GUCY1B1: variants seen among roughly 807,000 people sequenced by gnomAD.
GUCY1B1 encodes guanylate cyclase 1 soluble subunit beta 1.
In GUCY1B1, 43 loss-of-function variants were observed where a neutral mutation model predicts 71.0. The observed-to-expected ratio is 0.61, with a 90% CI of 0.47 to 0.78. The LOEUF is 0.78. Among genes scored for constraint, GUCY1B1 ranks in the 30% least tolerant of loss-of-function variants. The probability of loss-of-function intolerance (pLI) is 0.00; values close to 1 mark genes in which losing one functional copy is unlikely to be tolerated. For synonymous variants in GUCY1B1, 266 were observed against 259.7 expected, an observed-to-expected ratio of 1.02 and a Z score of -0.23; for missense variants, 535 against 754.1, an observed-to-expected ratio of 0.71 and a Z score of 3.40.
chr4:155,795,041 A>G (rs1161553810), intron 6 of GUCY1B1, among the ~76,000 whole-genome samples: 2 of 151,966 alleles, frequency 1.3e-5, no homozygotes, highest in Non-Finnish European at 2.9e-5. Context: ...TAAAAGATAA[A>G]TTTTCATTTT....
intron 1 of GUCY1B1, 74 bp from the exon 2 acceptor site, chr4:155,759,713 C>A: frequency 9.5e-7 from 1 of 1,049,582 alleles, no homozygotes; most frequent in Non-Finnish European, 1.5e-6. Flanking sequence ...GGAGCAGAGG[C>A]AGCAGCCTCG....
At position 155,807,532 on chromosome 4, in the gene GUCY1B1, T is replaced by C. The variant is rs551541966; in HGVS notation, c.*1123T>C. ...TATTTCATATCAGCACATCGATATA[T>C]GTATAAATGTTCCATGTTAATGTGT... is the stretch of plus-strand genomic sequence containing the variant. On this transcript the variant is annotated 3_prime_UTR_variant, in exon 14 of 14. Coordinates refer to ENST00000264424, the MANE Select transcript of GUCY1B1 (RefSeq NM_000857.5). 8.5e-5 allele frequency: 13 copies of C among 152,288 alleles called. No individual in the cohort carries two copies. Among genetic ancestry groups the C allele is most frequent in the Admixed American group, 2.6e-4 (4 of 15,268 alleles). The allele number at this position is 152,288 out of a possible 1,614,324, so 9.4% of individuals were successfully genotyped here. A position where few individuals can be genotyped will look rare whatever the true frequency, so the allele number is the denominator to read the frequency against.
rs1410253943 is a variant in GUCY1B1 at position 155,806,858 on chromosome 4, A to ATATCATG, written c.*451_*457dup. ...TAATGACTATAATGTAATAAAGTTTATATCATGTTGGTGTATATCATTATA... is the reference window on the plus strand; with the variant it reads ...TAATGACTATAATGTAATAAAGTTTATATCATGTATCATGTTGGTGTATATCATTATA... On this transcript the variant is annotated 3_prime_UTR_variant, in exon 14 of 14. Transcript: ENST00000264424. 1 of 153,908 alleles carries ATATCATG rather than the reference A, an allele frequency of 6.5e-6. No individual in the cohort carries two copies. The highest frequency in any genetic ancestry group is 2.4e-5 in the African/African-American group (1 of 41,514). 9.5% of individuals were successfully genotyped at this position (153,908 alleles called of 1,614,324 possible). A position where few individuals can be genotyped will look rare whatever the true frequency, so the allele number is the denominator to read the frequency against.
chr4:155,767,988 C>G (rs762742841), intron 2 of GUCY1B1, among the ~76,000 whole-genome samples: 1 of 152,086 alleles, frequency 6.6e-6, no homozygotes, highest in African/African-American at 2.4e-5. Flanking sequence ...ACGACACCTA[C>G]GTACTGTTTT....
chr4:155,782,291 G>A (rs1380264072), intron 4 of GUCY1B1, among the ~76,000 whole-genome samples: 1 of 151,942 alleles, frequency 6.6e-6, no homozygotes. Flanking sequence ...GGGTTTCACC[G>A]TGTTAGCCAG....
At chr4:155,796,634 CTTG>C in intron 8 of GUCY1B1, 124 bp downstream of exon 8, 1 of 640,798 alleles carries the variant, frequency 1.6e-6, no homozygotes, top group Middle Eastern at 4.2e-4. Context: ...TTTTACAGCC[CTTG>C]TTGTGTATTA....
chr4:155,763,298 G>A (rs755975246), intron 2 of GUCY1B1, among the ~76,000 whole-genome samples: 1 of 152,056 alleles, frequency 6.6e-6, no homozygotes, highest in Non-Finnish European at 1.5e-5. Flanking sequence ...CTCTTGACTC[G>A]GCCTCCCAAA....
chr4:155,806,134 C>T (rs777355933), intron 13 of GUCY1B1, among the ~76,000 whole-genome samples: 1 of 152,076 alleles, frequency 6.6e-6, no homozygotes, highest in Admixed American at 6.6e-5. Flanking sequence ...CCTGGTTTAA[C>T]ATTAAATCAT....
intron 11 of GUCY1B1, among the ~76,000 whole-genome samples, chr4:155,804,350 C>A (rs576971503): frequency 4.4e-4 from 67 of 151,868 alleles, no homozygotes; most frequent in African/African-American, 1.6e-3. Flanking sequence ...CATCACACAC[C>A]GGGACCTGTT....
At position 155,775,036 on chromosome 4, in the gene GUCY1B1, A is replaced by T. The variant is rs1380660690; in HGVS notation, c.146A>T (p.Tyr49Phe). 2.5e-6 allele frequency: 4 copies of T among 1,604,884 alleles called. No individual in the cohort carries two copies. The highest frequency in any genetic ancestry group is 3.4e-6 in the Non-Finnish European group (4 of 1,172,042). ...VRIIYDDSKT[Y>F]DLVAAASKVL... ...ATAATATATGATGACTCCAAAACTT[A>T]TGATTTGGTTGCTGCTGCAAGCAAA... Residue 49 changes from tyrosine to phenylalanine, a missense_variant, in exon 3 of 14, where the codon TAT becomes TTT. By Grantham distance (22) the Tyr-to-Phe change is conservative (BLOSUM62 3). Coordinates refer to ENST00000264424, the MANE Select transcript of GUCY1B1 (RefSeq NM_000857.5).
chr4:155,770,433 A>T (rs1242259434), intron 2 of GUCY1B1, among the ~76,000 whole-genome samples: 1 of 152,188 alleles, frequency 6.6e-6, no homozygotes, highest in Non-Finnish European at 1.5e-5. Context: ...AAATTTACCT[A>T]AAAGTTAGAA....
intron 5 of GUCY1B1, among the ~76,000 whole-genome samples, chr4:155,791,116 A>C (rs1739121092): frequency 6.6e-6 from 1 of 151,198 alleles, no homozygotes; most frequent in Admixed American, 6.6e-5. Context: ...TCACATTTCC[A>C]ATCTTTTTTT....
In GUCY1B1 at chr4:155,777,658, T is replaced by G; in HGVS notation, c.297+16T>G. On this transcript the variant is annotated intron_variant, in intron 4 of 13. Coordinates refer to ENST00000264424, the MANE Select transcript of GUCY1B1 (RefSeq NM_000857.5). ...ATTTCTACAGGTAAGCAATTTGAGG[T>G]CCTATAGTTAAAAGTTCTGTGTTTA... 1 of 1,221,354 alleles carries G rather than the reference T, an allele frequency of 8.2e-7. No homozygotes were observed. The highest frequency in any genetic ancestry group is 1.2e-6 in the Non-Finnish European group (1 of 821,656). 75.7% of individuals were successfully genotyped at this position (1,221,354 alleles called of 1,614,324 possible). A position where few individuals can be genotyped will look rare whatever the true frequency, so the allele number is the denominator to read the frequency against.
intron 2 of GUCY1B1, among the ~76,000 whole-genome samples, chr4:155,770,050 C>T (rs1412619311): frequency 6.6e-6 from 1 of 152,056 alleles, no homozygotes; most frequent in Non-Finnish European, 1.5e-5. Context: ...TTTTAAATTA[C>T]TAGAAGTGTT....
chr4:155,796,291 G>T, intron 7 of GUCY1B1, 86 bp from the exon 8 acceptor site: 2 of 1,221,652 alleles, frequency 1.6e-6, no homozygotes, highest in South Asian at 2.7e-5. Flanking sequence ...GTGGTTTGGT[G>T]GGAAATGAGA....
intron 3 of GUCY1B1, among the ~76,000 whole-genome samples, chr4:155,776,847 T>A (rs932885150): frequency 6.6e-6 from 1 of 152,210 alleles, no homozygotes; most frequent in Admixed American, 6.5e-5. Context: ...TTGATGATTT[T>A]AAAAATCTGT....
At chr4:155,768,518 C>A (rs1176481110) in intron 2 of GUCY1B1, among the ~76,000 whole-genome samples, 1 of 111,206 alleles carries the variant, frequency 9.0e-6, no homozygotes, top group African/African-American at 3.3e-5. Context: ...TTCATTAATT[C>A]ATTCACTAAT....
intron 13 of GUCY1B1, 149 bp downstream of exon 13, chr4:155,805,378 A>G: frequency 1.5e-6 from 1 of 668,558 alleles, no homozygotes; most frequent in South Asian, 2.1e-5. Context: ...ATAATTGAAC[A>G]TTAATGAGCC....
In GUCY1B1 at chr4:155,759,053, T is replaced by C. The variant is rs1736746979; in HGVS notation, c.-88T>C. ...CTCGATGCTGCCTCCCCGGCCCGGT[T>C]GCGCTGTAGCCGCTGCCGCCTCTGC... On this transcript the variant is annotated 5_prime_UTR_variant, in exon 1 of 14. Transcript: ENST00000264424. 2.9e-6 allele frequency: 4 copies of C among 1,390,018 alleles called. No individual in the cohort carries two copies. In the African/African-American group the frequency reaches 4.3e-5, roughly 15 times the overall value. 86.1% of individuals were successfully genotyped at this position (1,390,018 alleles called of 1,614,324 possible).
Sources: gnomAD v4.1 joint callset for allele counts (sites outside exome capture counted in the v4.1 genomes callset) on GRCh38, gnomAD v4.1.1 for gene constraint, MANE v1.5 for transcripts, NCBI Gene and HGNC (gene_info 2026-07-23, HGNC 2026-07-21) for gene names.